Variants in ATP8A2 observed in about 807,000 individuals in gnomAD.
ATP8A2 encodes the protein ATPase phospholipid transporting 8A2.
In ATP8A2, 100 loss-of-function variants were observed where a neutral mutation model predicts 165.6. The ratio of observed to expected loss-of-function variants is 0.60; its 90% CI spans 0.51 to 0.71. ATP8A2 has a LOEUF of 0.71. Ranked by LOEUF, ATP8A2 falls within the 30% of genes least tolerant of loss-of-function variation. The probability of loss-of-function intolerance (pLI) is 0.00; values close to 1 mark genes in which losing one functional copy is unlikely to be tolerated. For synonymous variants in ATP8A2, 543 were observed against 548.8 expected (o/e 0.99, Z 0.15); for missense variants, 1,227 against 1,479.5 (o/e 0.83, Z 2.80).
chr13:25,780,668 A>G (rs1174995586), intron 27 of ATP8A2, among the ~76,000 whole-genome samples: 1 of 152,096 alleles, frequency 6.6e-6, no homozygotes, highest in Non-Finnish European at 1.5e-5. Context: ...CAGTTTTTCC[A>G]CAGAGGGCAT....
At chr13:25,743,871 C>G (rs1173999990) in intron 25 of ATP8A2, among the ~76,000 whole-genome samples, 4 of 152,302 alleles carry the variant, frequency 2.6e-5, no homozygotes, top group Admixed American at 2.6e-4. Context: ...TGCATACTCT[C>G]TGTTAGCCAT....
chr13:25,906,760 A>C (rs1234102791), intron 33 of ATP8A2, among the ~76,000 whole-genome samples: 2 of 152,214 alleles, frequency 1.3e-5, no homozygotes, highest in Non-Finnish European at 2.9e-5. Flanking sequence ...CCACTTTATT[A>C]AGCAAGCCTA....
chr13:25,478,132 G>A (rs2036046589), intron 2 of ATP8A2, among the ~76,000 whole-genome samples: 1 of 152,040 alleles, frequency 6.6e-6, no homozygotes, highest in Non-Finnish European at 1.5e-5. Context: ...ATCTTCATAT[G>A]TTTGTTGTGA....
chr13:26,002,436 G>T (rs1334482333), intron 35 of ATP8A2, among the ~76,000 whole-genome samples: 1 of 151,670 alleles, frequency 6.6e-6, no homozygotes, highest in Non-Finnish European at 1.5e-5. Flanking sequence ...GATGGGGGAG[G>T]GATAGCATCA....
intron 26 of ATP8A2, among the ~76,000 whole-genome samples, chr13:25,770,290 A>G (rs2044591371): frequency 6.6e-6 from 1 of 152,042 alleles, no homozygotes; most frequent in Admixed American, 6.6e-5. Context: ...AACTGCTCCT[A>G]AGATCAGTGC....
chr13:25,980,844 C>T lies in ATP8A2; in HGVS notation c.3377+12165C>T, dbSNP rs1467039517. On this transcript the variant is annotated intron_variant, in intron 35 of 36. Transcript: ENST00000381655. ...CGTGATTACAGCGTGTGAACAGACA[C>T]TGCACTCCAGCCTGGGCAACATAGC... Among the ~76,000 whole-genome samples, 3 of 152,136 alleles carry T rather than the reference C, an allele frequency of 2.0e-5. No homozygotes were observed. In the East Asian group the frequency reaches 5.8e-4, roughly 29 times the overall value.
chr13:25,884,581 G>A (rs1037582119), intron 33 of ATP8A2, among the ~76,000 whole-genome samples: 5 of 152,180 alleles, frequency 3.3e-5, no homozygotes, highest in African/African-American at 7.2e-5. Flanking sequence ...GAAGATAGAG[G>A]ATGTTGTGAT....
chr13:25,497,945 G>A (rs182584484), intron 2 of ATP8A2, among the ~76,000 whole-genome samples: 4 of 152,166 alleles, frequency 2.6e-5, no homozygotes, highest in Admixed American at 6.5e-5. Context: ...CTGGGCAACC[G>A]AGAGAGATTC....
chr13:25,379,355 G>A (rs1054349479), intron 1 of ATP8A2, among the ~76,000 whole-genome samples: 3 of 152,212 alleles, frequency 2.0e-5, no homozygotes, highest in Admixed American at 2.0e-4. Flanking sequence ...CATGGAGTGA[G>A]TGAGTACTTC....
intron 33 of ATP8A2, among the ~76,000 whole-genome samples, chr13:25,949,392 C>T (rs1417323741): frequency 6.6e-6 from 1 of 152,172 alleles, no homozygotes; most frequent in Non-Finnish European, 1.5e-5. Context: ...GACATTGACG[C>T]TAATAGTCTG....
intron 1 of ATP8A2, among the ~76,000 whole-genome samples, chr13:25,401,769 TATAA>T (rs1343458130): frequency 2.0e-5 from 3 of 152,148 alleles, no homozygotes; most frequent in Non-Finnish European, 4.4e-5. Flanking sequence ...AAGTTTAATT[TATAA>T]ATTAGGCACA....
intron 33 of ATP8A2, among the ~76,000 whole-genome samples, chr13:25,904,008 A>T (rs918641093): frequency 1.2e-4 from 19 of 152,132 alleles, no homozygotes; most frequent in African/African-American, 4.3e-4. Flanking sequence ...CAGATTGAGG[A>T]TCCCTTATCC....
intron 33 of ATP8A2, among the ~76,000 whole-genome samples, chr13:25,947,887 T>C (rs1234210367): frequency 1.3e-5 from 2 of 152,172 alleles, no homozygotes; most frequent in African/African-American, 4.8e-5. Flanking sequence ...TGAGTGCGTC[T>C]TCAGTGGTGT....
chr13:25,532,555 C>A (rs1479527688), intron 5 of ATP8A2, among the ~76,000 whole-genome samples: 1 of 152,218 alleles, frequency 6.6e-6, no homozygotes, highest in Non-Finnish European at 1.5e-5. Flanking sequence ...AGGAACTAGA[C>A]AGTTTTTATG....
intron 24 of ATP8A2, among the ~76,000 whole-genome samples, chr13:25,689,438 T>G (rs2042676294): frequency 6.6e-6 from 1 of 152,204 alleles, no homozygotes; most frequent in South Asian, 2.1e-4. Flanking sequence ...AAACTTAAGT[T>G]GTCTAGAAAA....
At chr13:25,685,926 G>T (rs993283221) in intron 24 of ATP8A2, among the ~76,000 whole-genome samples, 1 of 152,172 alleles carries the variant, frequency 6.6e-6, no homozygotes, top group Non-Finnish European at 1.5e-5. Flanking sequence ...CCTAGCAGTG[G>T]CCAGGTGAGA....
chr13:25,791,018 A>G (rs952701757), intron 27 of ATP8A2, among the ~76,000 whole-genome samples: 3 of 152,180 alleles, frequency 2.0e-5, no homozygotes, highest in Non-Finnish European at 2.9e-5. Flanking sequence ...TGGCCAACCA[A>G]TCCCATTACT....
chr13:25,401,423 G>A (rs1032682607), intron 1 of ATP8A2, among the ~76,000 whole-genome samples: 2 of 152,200 alleles, frequency 1.3e-5, no homozygotes, highest in East Asian at 3.8e-4. Flanking sequence ...GAAAGAGCTA[G>A]CAGCAAGATT....
chr13:25,570,887 C>T lies in ATP8A2; in HGVS notation c.1579+15C>T, dbSNP rs376747317. ...CTCTTCCCCAGGTGAGGGCTCTGGC[C>T]GGATGCGCCCTGCTGGCCCCTTCTC... On this transcript the variant is annotated intron_variant, in intron 17 of 36. Transcript: ENST00000381655. 23 of 1,587,480 alleles carry T rather than the reference C, an allele frequency of 1.4e-5. No individual in the cohort carries two copies. In the Middle Eastern group the frequency reaches 5.0e-4, roughly 34 times the overall value.
Sources: gnomAD v4.1 joint callset for allele counts (sites outside exome capture counted in the v4.1 genomes callset) on GRCh38, gnomAD v4.1.1 for gene constraint, MANE v1.5 for transcripts, NCBI Gene and HGNC (gene_info 2026-07-23, HGNC 2026-07-21) for gene names.